GINS2: variants seen among roughly 807,000 people sequenced by gnomAD.
The protein encoded by GINS2 is GINS complex subunit 2.
GINS2 carries 23 observed loss-of-function variants against 21.2 expected under a neutral mutation model. The ratio of observed to expected loss-of-function variants is 1.08; its 90% CI spans 0.78 to 1.53. The LOEUF (loss-of-function observed/expected upper bound fraction) is 1.53. GINS2 is among the 40% of genes most tolerant of loss of function. The pLI is 0.00. For missense variants in GINS2, 323 were observed against 233.9 expected, an observed-to-expected ratio of 1.38 and a Z score of -2.49; for synonymous variants, 118 against 85.6, an observed-to-expected ratio of 1.38 and a Z score of -2.09.
At chr16:85,679,811 G>A (rs1055853296) in intron 3 of GINS2, among the ~76,000 whole-genome samples, 2 of 152,116 alleles carry the variant, frequency 1.3e-5, no homozygotes, top group East Asian at 3.9e-4. Context: ...CACCACTACA[G>A]TCTCTCTCAG....
intron 2 of GINS2, among the ~76,000 whole-genome samples, chr16:85,685,494 T>C (rs2053766676): frequency 6.8e-6 from 1 of 146,916 alleles, no homozygotes; most frequent in Non-Finnish European, 1.5e-5. Context: ...AAGACCCCCA[T>C]CTCCACTAAA....
intron 2 of GINS2, among the ~76,000 whole-genome samples, chr16:85,683,344 TGCTACCCACATGCTCA>T (rs1369199735): frequency 3.3e-5 from 5 of 152,086 alleles, no homozygotes; most frequent in Non-Finnish European, 7.4e-5. Context: ...CTCGTCCAAA[TGCTACCCACATGCTCA>T]GAAAGACCTC....
intron 1 of GINS2, 147 bp downstream of exon 1, chr16:85,688,662 A>G (rs2053801048): frequency 2.3e-6 from 1 of 432,934 alleles, no homozygotes; most frequent in Non-Finnish European, 4.1e-6. Flanking sequence ...GAGAAGCGGG[A>G]ACGGCGGTGA....
chr16:85,686,770 CT>C (rs1349749759), intron 2 of GINS2, among the ~76,000 whole-genome samples: 4 of 152,128 alleles, frequency 2.6e-5, no homozygotes. Context: ...AATTCCATTC[CT>C]TTTTATAGCT....
chr16:85,678,352 CAG>C lies in GINS2; in HGVS notation c.433-17_433-16del. Reference sequence around the variant, plus strand: ...AAGTTATCCAGCTAAAGCAAGAAAACAGACCAAGTTGGCCAAGGAGTTTTTGA... The same window carrying C: ...AAGTTATCCAGCTAAAGCAAGAAAACACCAAGTTGGCCAAGGAGTTTTTGA... On this transcript the variant is annotated splice_polypyrimidine_tract_variant and intron_variant, in intron 4 of 4. Coordinates refer to ENST00000253462, the MANE Select transcript of GINS2 (RefSeq NM_016095.3). 1.2e-6 allele frequency: 2 copies of C among 1,613,448 alleles called. No homozygotes were observed. Among genetic ancestry groups the C allele is most frequent in the South Asian group, 2.2e-5 (2 of 90,946 alleles).
chr16:85,682,640 G>A (rs1047206428), intron 2 of GINS2, among the ~76,000 whole-genome samples: 1 of 152,190 alleles, frequency 6.6e-6, no homozygotes, highest in Middle Eastern at 3.4e-3. Context: ...CCAGCCGGGA[G>A]GAGGCATGAC....
chr16:85,680,457 G>T (rs1464118828), intron 3 of GINS2, among the ~76,000 whole-genome samples: 1 of 152,168 alleles, frequency 6.6e-6, no homozygotes, highest in African/African-American at 2.4e-5. Flanking sequence ...TTGTACAAAT[G>T]ACATTCTAAG....
At chr16:85,680,777 T>C (rs1215980360) in intron 3 of GINS2, among the ~76,000 whole-genome samples, 1 of 152,170 alleles carries the variant, frequency 6.6e-6, no homozygotes, top group Non-Finnish European at 1.5e-5. Flanking sequence ...GAACAGTATA[T>C]GCAAAGTCAG....
Position 85,688,406 on chromosome 16 carries a change from C to T in GINS2, c.90+403G>A, listed in dbSNP as rs1043391790. 9.3e-5 allele frequency among the ~76,000 whole-genome samples: 14 copies of T among 151,018 alleles called. 1 individual carries two copies. The highest frequency in any genetic ancestry group is 3.2e-4 in the African/African-American group (13 of 41,116). On this transcript the variant is annotated intron_variant, in intron 1 of 4. Transcript: ENST00000253462. ...ACCAAAAATACAAAAATGCGCCGGG[C>T]GTGGTGGCGGGCACCTGTAACAGCA...
In GINS2 at chr16:85,678,370, G is replaced by T. The variant is rs570671871; in HGVS notation, c.433-33C>A. The T allele has an allele frequency of 1.7e-4, 276 of 1,611,482 alleles. 3 individuals carry two copies. The South Asian group carries it at 2.8e-3, about 16-fold the overall frequency. On this transcript the variant is annotated intron_variant, in intron 4 of 4. Transcript: ENST00000253462. ...AAGAAAACAGACCAAGTTGGCCAAG[G>T]AGTTTTTGATTTTGAGAAAAAGGTA...
chr16:85,683,051 T>C (rs2053747543), intron 2 of GINS2, among the ~76,000 whole-genome samples: 1 of 152,012 alleles, frequency 6.6e-6, no homozygotes, highest in African/African-American at 2.4e-5. Context: ...AGGACCAGCC[T>C]TCCAGGTGTC....
At chr16:85,685,790 A>G (rs910092518) in intron 2 of GINS2, among the ~76,000 whole-genome samples, 8 of 151,938 alleles carry the variant, frequency 5.3e-5, no homozygotes, top group African/African-American at 1.7e-4. Flanking sequence ...GACACTAAGC[A>G]GTCTGTCTTA....
chr16:85,678,060 C>T lies in GINS2; in HGVS notation c.*152G>A. 4.3e-6 allele frequency: 3 copies of T among 689,834 alleles called. No individual in the cohort carries two copies. The highest frequency in any genetic ancestry group is 5.0e-6 in the Non-Finnish European group (2 of 403,222). The allele number at this position is 689,834 out of a possible 1,614,324, so 42.7% of individuals were successfully genotyped here. ...CTAAGTTTTAAGGACTAATCACAAACTTGTTTCTCCAACAACATCCTGAAT... is the reference window on the plus strand; with the variant it reads ...CTAAGTTTTAAGGACTAATCACAAATTTGTTTCTCCAACAACATCCTGAAT... On this transcript the variant is annotated 3_prime_UTR_variant, in exon 5 of 5. Coordinates refer to ENST00000253462, the MANE Select transcript of GINS2 (RefSeq NM_016095.3).
At chr16:85,687,428 C>A in intron 2 of GINS2, 32 bp downstream of exon 2, 1 of 1,328,666 alleles carries the variant, frequency 7.5e-7, no homozygotes, top group East Asian at 2.6e-5. Flanking sequence ...CAGCCCCACC[C>A]ACGCATCAAC....
rs1056770327 is a variant in GINS2 at position 85,681,595 on chromosome 16, G to A, written c.292C>T (p.Leu98Phe). The A allele has an allele frequency of 2.0e-5, 32 of 1,598,378 alleles. No individual in the cohort carries two copies. Among genetic ancestry groups the A allele is most frequent in the Non-Finnish European group, 2.5e-5 (29 of 1,165,886 alleles). ...PSPYYMELTK[L>F]LLNHASDNIP... is the part of the protein sequence containing the mutation. Reference sequence around the variant, plus strand: ...AGATCTACTTACTGATTTAACAGGAGCTTCGTAAGTTCCATGTAGTAAGGG... The same window carrying A: ...AGATCTACTTACTGATTTAACAGGAACTTCGTAAGTTCCATGTAGTAAGGG... The change falls in exon 3 of 5, where the codon CTC becomes TTC. Residue 98 changes from leucine (L) to phenylalanine (F), a missense_variant. Coordinates refer to ENST00000253462, the MANE Select transcript of GINS2 (RefSeq NM_016095.3).
intron 1 of GINS2, 35 bp downstream of exon 1, chr16:85,688,774 C>T: frequency 1.5e-6 from 2 of 1,369,792 alleles, no homozygotes; most frequent in Non-Finnish European, 9.9e-7. Context: ...GCGCCCAGCC[C>T]GGCCTCCCCT....
Position 85,678,124 on chromosome 16 carries a change from A to G in GINS2, c.*88T>C, listed in dbSNP as rs570658284. 1 of 1,124,972 alleles carries G rather than the reference A, an allele frequency of 8.9e-7. No individual in the cohort carries two copies. Among genetic ancestry groups the G allele is most frequent in the Non-Finnish European group, 1.3e-6 (1 of 762,944 alleles). The allele number at this position is 1,124,972 out of a possible 1,614,324, so 69.7% of individuals were successfully genotyped here. A position where few individuals can be genotyped will look rare whatever the true frequency, so the allele number is the denominator to read the frequency against. On this transcript the variant is annotated 3_prime_UTR_variant, in exon 5 of 5. Transcript: ENST00000253462. ...CATCACACATTTTTCATGCATCAGA[A>G]GTGTTTCTAGAGCTCCAGAACCACG...
intron 3 of GINS2, among the ~76,000 whole-genome samples, chr16:85,679,991 C>T (rs541990323): frequency 1.3e-5 from 2 of 152,186 alleles, no homozygotes; most frequent in Non-Finnish European, 2.9e-5. Context: ...GCCTCACTGC[C>T]CTCTCCCCTA....
At chr16:85,678,814 A>G (rs535164727) in intron 3 of GINS2, 148 bp from the exon 4 acceptor site, 2 of 756,508 alleles carry the variant, frequency 2.6e-6, no homozygotes, top group African/African-American at 1.7e-5. Context: ...GGGTGTAAAG[A>G]TTTGTAGCAG....
Sources: gnomAD v4.1 joint callset for allele counts (sites outside exome capture counted in the v4.1 genomes callset) on GRCh38, gnomAD v4.1.1 for gene constraint, MANE v1.5 for transcripts, NCBI Gene and HGNC (gene_info 2026-07-23, HGNC 2026-07-21) for gene names.